Variants in SEMA4D observed in about 807,000 individuals in gnomAD.
SEMA4D encodes semaphorin 4D.
SEMA4D carries 22 observed loss-of-function variants against 74.8 expected under a neutral mutation model. The observed-to-expected ratio is 0.29, with a 90% CI of 0.21 to 0.42. The LOEUF is 0.42. Among genes scored for constraint, SEMA4D ranks in the 10% least tolerant of loss-of-function variants. The pLI is 1.00. For synonymous variants in SEMA4D, 445 were observed against 463.7 expected (o/e 0.96, Z 0.52); for missense variants, 937 against 1,118.4 (o/e 0.84, Z 2.31).
chr9:89,379,177 T>C lies in SEMA4D; in HGVS notation c.2116A>G (p.Thr706Ala). 1 of 1,614,076 alleles carries C rather than the reference T, an allele frequency of 6.2e-7. No individual in the cohort carries two copies. Among genetic ancestry groups the C allele is most frequent in the Non-Finnish European group, 8.5e-7 (1 of 1,180,000 alleles). Reference sequence around the variant, plus strand: ...ATGACGATCTTTGGTTCGCAGGATGTGCCGGTGGGCGCAGGCTTGGGAGGA... The same window carrying C: ...ATGACGATCTTTGGTTCGCAGGATGCGCCGGTGGGCGCAGGCTTGGGAGGA... Reference protein sequence around the residue: ...TLPPKPAPTGTSCEPKIVINT... With the variant: ...TLPPKPAPTGASCEPKIVINT... Residue 706 changes from threonine to alanine, a missense_variant, in exon 16 of 16, where the codon ACA (threonine) becomes GCA (alanine). Transcript: ENST00000422704.
At chr9:89,442,306 C>T (rs943895517) in intron 2 of SEMA4D, among the ~76,000 whole-genome samples, 3 of 152,232 alleles carry the variant, frequency 2.0e-5, no homozygotes, top group Non-Finnish European at 4.4e-5. Context: ...ACTCCAGCCC[C>T]ACTGGCCCGC....
intron 2 of SEMA4D, among the ~76,000 whole-genome samples, chr9:89,447,826 CCTAT>C (rs747238569): frequency 1.3e-4 from 19 of 151,984 alleles, no homozygotes; most frequent in Admixed American, 1.2e-3. Flanking sequence ...AAGACTTGCT[CCTAT>C]CTGTCTCAGG....
intron 1 of SEMA4D, among the ~76,000 whole-genome samples, chr9:89,463,107 TCTC>T (rs1474820943): frequency 6.6e-6 from 1 of 151,918 alleles, no homozygotes; most frequent in Non-Finnish European, 1.5e-5. Flanking sequence ...GGCACTCTCT[TCTC>T]TGCATCCCAG....
chr9:89,464,778 G>GTCCCC (rs1281697902), intron 1 of SEMA4D, among the ~76,000 whole-genome samples: 1 of 151,972 alleles, frequency 6.6e-6, no homozygotes. Context: ...GGTTGCAGGG[G>GTCCCC]TCCCCCGCCT....
chr9:89,396,451 C>T (rs1406781024), intron 6 of SEMA4D, among the ~76,000 whole-genome samples: 2 of 152,254 alleles, frequency 1.3e-5, no homozygotes. Flanking sequence ...CCATGGCATG[C>T]TCTGCACTAG....
At chr9:89,459,439 G>A (rs1024906478) in intron 1 of SEMA4D, among the ~76,000 whole-genome samples, 1 of 152,188 alleles carries the variant, frequency 6.6e-6, no homozygotes, top group African/African-American at 2.4e-5. Flanking sequence ...GCTCTCCTGA[G>A]GACGCAAAGA....
intron 1 of SEMA4D, chr9:89,479,962 G>A (rs1369066816): frequency 1.3e-5 from 2 of 152,076 alleles, no homozygotes; most frequent in East Asian, 3.9e-4. Flanking sequence ...TGGTAGAGCC[G>A]AGTGGCCTGT....
chr9:89,434,825 C>T (rs1850044590), intron 2 of SEMA4D, among the ~76,000 whole-genome samples: 1 of 152,186 alleles, frequency 6.6e-6, no homozygotes, highest in South Asian at 2.1e-4. Flanking sequence ...CTCCAGGGCC[C>T]TGTCAGGGAA....
At position 89,450,272 on chromosome 9, in the gene SEMA4D, G is replaced by A. The variant is rs147756242; in HGVS notation, c.-244+5616C>T. On this transcript the variant is annotated intron_variant, in intron 2 of 15. Transcript: ENST00000422704. ...TCAGCTCAGGAAAGGGCAAGACCAA[G>A]GATGCAGGAGAGAGAACCACTATGT... 1,304 of 975,780 alleles carry A rather than the reference G, an allele frequency of 1.3e-3. 1 individual carries two copies. The highest frequency in any genetic ancestry group is 1.8e-3 in the Non-Finnish European group (1,095 of 599,190). 60.4% of individuals were successfully genotyped at this position (975,780 alleles called of 1,614,324 possible). A position where few individuals can be genotyped will look rare whatever the true frequency, so the allele number is the denominator to read the frequency against.
At chr9:89,380,458 A>G (rs1325802345) in intron 15 of SEMA4D, among the ~76,000 whole-genome samples, 1 of 152,186 alleles carries the variant, frequency 6.6e-6, no homozygotes, top group African/African-American at 2.4e-5. Flanking sequence ...CAGCCTCCCT[A>G]GTAGCTGGGA....
intron 1 of SEMA4D, among the ~76,000 whole-genome samples, chr9:89,468,529 A>C (rs1859331960): frequency 6.6e-6 from 1 of 152,228 alleles, no homozygotes; most frequent in African/African-American, 2.4e-5. Context: ...ACATCACTCT[A>C]AAAACATACC....
Position 89,387,443 on chromosome 9 carries a change from C to T in SEMA4D, c.1273G>A (p.Val425Met), listed in dbSNP as rs981137282. The T allele has an allele frequency of 5.0e-6, 8 of 1,614,242 alleles. No individual in the cohort carries two copies. The highest frequency in any genetic ancestry group is 6.8e-6 in the Non-Finnish European group (8 of 1,180,046). Residue 425 changes from valine to methionine, a missense_variant, in exon 12 of 16, where the codon GTG becomes ATG. Coordinates refer to ENST00000422704, the MANE Select transcript of SEMA4D (RefSeq NM_001371194.2). The part of the protein sequence containing the change: ...KKDVNYTQIV[V>M]DRTQALDGTV... ...CCATCCAGGGCCTGGGTCCGGTCCA[C>T]CACGATCTGGGTGTAGTTCACATCT... is the stretch of plus-strand genomic sequence containing the variant.
At chr9:89,398,563 T>C (rs1370637863) in intron 5 of SEMA4D, among the ~76,000 whole-genome samples, 1 of 152,234 alleles carries the variant, frequency 6.6e-6, no homozygotes, top group African/African-American at 2.4e-5. Flanking sequence ...ACTGGCCCTT[T>C]GCCCTCACTG....
chr9:89,461,165 C>T (rs1367928942), intron 1 of SEMA4D, among the ~76,000 whole-genome samples: 1 of 152,150 alleles, frequency 6.6e-6, no homozygotes, highest in Non-Finnish European at 1.5e-5. Context: ...CCACTCTCCC[C>T]CTACAAAATG....
rs758452472 is a variant in SEMA4D at position 89,450,659 on chromosome 9, GGAAAAAAAAAA to G, written c.-244+5218_-244+5228del. ...AGAGTTCTGCAAGTCGAAAAACCCA[GGAAAAAAAAAA>G]AAAAAAAAAAAAAAAAAGGCCTCCA... On this transcript the variant is annotated intron_variant, in intron 2 of 15. Transcript: ENST00000422704. 3.2e-3 allele frequency: 1,332 copies of G among 420,128 alleles called. 14 individuals are homozygous for G. Among genetic ancestry groups the G allele is most frequent in the African/African-American group, 5.6e-3 (184 of 32,580 alleles). 26.0% of individuals were successfully genotyped at this position (420,128 alleles called of 1,614,324 possible).
At chr9:89,362,722 C>T (rs2132173921) in intron 18 of SEMA4D, among the ~76,000 whole-genome samples, 1 of 152,338 alleles carries the variant, frequency 6.6e-6, no homozygotes, top group East Asian at 1.9e-4. Context: ...CTGTAAATGC[C>T]CAGCCTTTGG....
chr9:89,450,804 C>A, intron 2 of SEMA4D: 1 of 781,120 alleles, frequency 1.3e-6, no homozygotes, highest in Non-Finnish European at 2.1e-6. Flanking sequence ...CCCCTTCCCA[C>A]CACACCCTAG....
At chr9:89,390,633 A>G (rs1316051768) in intron 9 of SEMA4D, among the ~76,000 whole-genome samples, 1 of 152,188 alleles carries the variant, frequency 6.6e-6, no homozygotes, top group Non-Finnish European at 1.5e-5. Flanking sequence ...ATGAGAGACG[A>G]ATGGCTACCT....
chr9:89,449,787 C>T (rs557905335), intron 2 of SEMA4D: 2 of 1,502,916 alleles, frequency 1.3e-6, no homozygotes, highest in South Asian at 2.3e-5. Context: ...TATTGCTTTT[C>T]CCACCAGCAT....
Sources: gnomAD v4.1 joint callset for allele counts (sites outside exome capture counted in the v4.1 genomes callset) on GRCh38, gnomAD v4.1.1 for gene constraint, MANE v1.5 for transcripts, NCBI Gene and HGNC (gene_info 2026-07-23, HGNC 2026-07-21) for gene names.